GLDC: variants seen among roughly 807,000 people sequenced by gnomAD.
GLDC encodes the protein glycine dehydrogenase (decarboxylating), mitochondrial.
In GLDC, 104 loss-of-function variants were observed where a neutral mutation model predicts 121.3. That is an observed-to-expected ratio of 0.86 (90% CI 0.73 to 1.01). The LOEUF is 1.01. GLDC is among the 50% of genes least tolerant of loss of function. The pLI, the probability that GLDC is intolerant of heterozygous loss-of-function variation, is 0.00. For missense variants in GLDC, 1,429 were observed against 1,306.6 expected, an observed-to-expected ratio of 1.09 and a Z score of -1.44; for synonymous variants, 546 against 480.6, an observed-to-expected ratio of 1.14 and a Z score of -1.78.
rs1182310275 is a variant in GLDC, at chr9:6,532,880, C to T, written c.*137G>A. The T allele has an allele frequency of 1.2e-5, 9 of 758,288 alleles. No homozygotes were observed. Among genetic ancestry groups the T allele is most frequent in the Admixed American group, 1.1e-4 (6 of 55,770 alleles). 47.0% of individuals were successfully genotyped at this position (758,288 alleles called of 1,614,324 possible). A position where few individuals can be genotyped will look rare whatever the true frequency, so the allele number is the denominator to read the frequency against. ...CTCCAGCTACTGTATTTACATTTAC[C>T]TTGACAGAGATTACAGAGATATACA... On this transcript the variant is annotated 3_prime_UTR_variant, in exon 25 of 25. Coordinates refer to ENST00000321612, the MANE Select transcript of GLDC (RefSeq NM_000170.3).
intron 2 of GLDC, among the ~76,000 whole-genome samples, chr9:6,643,270 T>C (rs1819664658): frequency 6.6e-6 from 1 of 151,744 alleles, no homozygotes; most frequent in African/African-American, 2.4e-5. Context: ...ATTAGTTCAA[T>C]TCAGCAAAAC....
At chr9:6,596,387 C>G (rs113958030) in intron 8 of GLDC, among the ~76,000 whole-genome samples, 238 of 152,004 alleles carry the variant, frequency 1.6e-3, no homozygotes, top group African/African-American at 5.5e-3. Flanking sequence ...AAAGAAGAAC[C>G]AAAAAAATTA....
At chr9:6,593,777 C>G (rs1818431960) in intron 9 of GLDC, among the ~76,000 whole-genome samples, 1 of 151,342 alleles carries the variant, frequency 6.6e-6, no homozygotes. Context: ...ACTGCAACCT[C>G]CGCCTCCTAA....
intron 2 of GLDC, among the ~76,000 whole-genome samples, chr9:6,622,070 T>C (rs1587974053): frequency 6.6e-6 from 1 of 151,936 alleles, no homozygotes; most frequent in Non-Finnish European, 1.5e-5. Context: ...CTTAACATTG[T>C]TTTAACCCTA....
chr9:6,561,059 G>T (rs577911451), intron 16 of GLDC, among the ~76,000 whole-genome samples: 1 of 152,330 alleles, frequency 6.6e-6, no homozygotes, highest in East Asian at 1.9e-4. Context: ...CCCCCAGAAG[G>T]AATCAGCTCT....
At chr9:6,559,638 A>C (rs1438094995) in intron 16 of GLDC, among the ~76,000 whole-genome samples, 1 of 151,982 alleles carries the variant, frequency 6.6e-6, no homozygotes, top group Admixed American at 6.6e-5. Flanking sequence ...AACATGGCGA[A>C]ATGCTGTCTC....
intron 3 of GLDC, among the ~76,000 whole-genome samples, chr9:6,612,975 A>G (rs1471072980): frequency 6.6e-6 from 1 of 152,234 alleles, no homozygotes; most frequent in Non-Finnish European, 1.5e-5. Flanking sequence ...CTCAAAAAAT[A>G]AATACATAAA....
chr9:6,576,273 G>A (rs1187850689), intron 15 of GLDC, among the ~76,000 whole-genome samples: 3 of 152,102 alleles, frequency 2.0e-5, no homozygotes, highest in Non-Finnish European at 2.9e-5. Context: ...TAGTGAGGGC[G>A]CACTTCCTGG....
At chr9:6,624,056 G>A (rs554255370) in intron 2 of GLDC, among the ~76,000 whole-genome samples, 41 of 152,316 alleles carry the variant, frequency 2.7e-4, no homozygotes, top group Admixed American at 1.2e-3. Context: ...AAATAAAGCT[G>A]GATAGTATGA....
intron 2 of GLDC, among the ~76,000 whole-genome samples, chr9:6,629,959 T>A (rs10975707): frequency 0.2 from 10,923 of 55,622 alleles, 1,359 homozygotes; most frequent in Middle Eastern, 0.24. Flanking sequence ...ATATATATAT[T>A]TTTTTTTTTT....
At chr9:6,593,590 C>T (rs977882186) in intron 9 of GLDC, among the ~76,000 whole-genome samples, 3 of 152,050 alleles carry the variant, frequency 2.0e-5, no homozygotes, top group African/African-American at 7.2e-5. Flanking sequence ...GTGTGAACCA[C>T]CACACCTGGT....
chr9:6,619,279 T>C lies in GLDC; in HGVS notation c.470+905A>G, dbSNP rs553276680. Among the ~76,000 whole-genome samples, 18 of 151,930 alleles carry C rather than the reference T, an allele frequency of 1.2e-4. No individual in the cohort carries two copies. The South Asian group carries it at 3.5e-3, about 30-fold the overall frequency. ...CTCATATCTTTTCTAGAAGAGCCTG[T>C]CTACAGAATGCACATGTTCTCTTTC... is the stretch of plus-strand genomic sequence containing the variant. On this transcript the variant is annotated intron_variant, in intron 3 of 24. Transcript: ENST00000321612.
intron 17 of GLDC, 83 bp from the exon 18 acceptor site, chr9:6,556,385 G>T: frequency 9.5e-7 from 1 of 1,051,100 alleles, no homozygotes. Context: ...CATTTTAAAG[G>T]ATGAAGAAAG....
chr9:6,629,958 T>TATATATATATATATATATATATATA, intron 2 of GLDC, among the ~76,000 whole-genome samples: 1 of 78,680 alleles, frequency 1.3e-5, no homozygotes, highest in Non-Finnish European at 2.4e-5. Context: ...TATATATATA[T>TATATATATATATATATATATATATA]TTTTTTTTTT....
intron 11 of GLDC, among the ~76,000 whole-genome samples, chr9:6,589,763 T>C (rs1348085470): frequency 6.6e-6 from 1 of 151,982 alleles, no homozygotes; most frequent in Non-Finnish European, 1.5e-5. Flanking sequence ...TACTAAAACT[T>C]AGAAGAAAAT....
At chr9:6,603,761 C>T (rs1319618432) in intron 7 of GLDC, among the ~76,000 whole-genome samples, 7 of 146,184 alleles carry the variant, frequency 4.8e-5, no homozygotes, top group Non-Finnish European at 7.4e-5. Flanking sequence ...GATGGAGTCT[C>T]GCTCTGCACC....
intron 3 of GLDC, among the ~76,000 whole-genome samples, chr9:6,619,365 G>C (rs1819033932): frequency 6.6e-6 from 1 of 150,434 alleles, no homozygotes; most frequent in South Asian, 2.1e-4. Context: ...CTTTTTGTCA[G>C]TCAGTTGTGA....
chr9:6,555,313 C>A (rs543653470), intron 18 of GLDC, among the ~76,000 whole-genome samples: 1 of 152,308 alleles, frequency 6.6e-6, no homozygotes, highest in African/African-American at 2.4e-5. Flanking sequence ...ACCCAGATAC[C>A]AGGCATGCCA....
chr9:6,615,603 G>C (rs1457140516), intron 3 of GLDC, among the ~76,000 whole-genome samples: 3 of 151,156 alleles, frequency 2.0e-5, no homozygotes, highest in Non-Finnish European at 4.4e-5. Context: ...AAAAGACCTA[G>C]TATATAACCA....
Sources: gnomAD v4.1 joint callset for allele counts (sites outside exome capture counted in the v4.1 genomes callset) on GRCh38, gnomAD v4.1.1 for gene constraint, MANE v1.5 for transcripts, NCBI Gene and HGNC (gene_info 2026-07-23, HGNC 2026-07-21) for gene names.